CHMP5: variants seen among roughly 807,000 people sequenced by gnomAD.
CHMP5 encodes the protein charged multivesicular body protein 5.
Under a neutral mutation model 33.0 loss-of-function variants are expected in CHMP5, and 17 were observed. The observed-to-expected ratio is 0.52, with a 90% CI of 0.35 to 0.77. The LOEUF (loss-of-function observed/expected upper bound fraction) is 0.77. CHMP5 is among the 30% of genes least tolerant of loss of function. The pLI, the probability that CHMP5 is intolerant of heterozygous loss-of-function variation, is 0.01. For synonymous variants in CHMP5, 76 were observed against 90.2 expected (o/e 0.84, Z 0.89); for missense variants, 216 against 261.5 (o/e 0.83, Z 1.20).
At chr9:33,273,283 TG>T (rs1372369164) in intron 5 of CHMP5, among the ~76,000 whole-genome samples, 6 of 151,964 alleles carry the variant, frequency 3.9e-5, no homozygotes, top group Non-Finnish European at 7.4e-5. Context: ...TTTTTTTTTT[TG>T]TATAATATCA....
intron 5 of CHMP5, among the ~76,000 whole-genome samples, chr9:33,275,482 G>A (rs141760665): frequency 5.9e-5 from 9 of 152,054 alleles, no homozygotes; most frequent in African/African-American, 2.2e-4. Context: ...TACCACTTCA[G>A]TTGTTTCTAC....
chr9:33,265,331 C>G (rs900003820), intron 1 of CHMP5, among the ~76,000 whole-genome samples, 184 bp downstream of exon 1: 1 of 152,004 alleles, frequency 6.6e-6, no homozygotes, highest in Non-Finnish European at 1.5e-5. Flanking sequence ...ACGCCACAAA[C>G]CAGGGAACCC....
intron 1 of CHMP5, among the ~76,000 whole-genome samples, chr9:33,265,802 C>T (rs750834178): frequency 1.3e-5 from 2 of 152,180 alleles, no homozygotes; most frequent in Non-Finnish European, 1.5e-5. Context: ...CCTGGTATAT[C>T]AGAATCGGGG....
rs769796896 is a variant in CHMP5 at position 33,276,418 on chromosome 9, G to A, written c.388-38G>A. 9.4e-6 allele frequency: 11 copies of A among 1,176,054 alleles called. No individual in the cohort carries two copies. The East Asian group carries it at 9.4e-5, about 10-fold the overall frequency. The allele number at this position is 1,176,054 out of a possible 1,614,324, so 72.9% of individuals were successfully genotyped here. ...GGAAAAGGGTAGTTAAAAGAAAATGGTAAATGAGAGAAAATCCTCTCATAT... is the reference window on the plus strand; with the variant it reads ...GGAAAAGGGTAGTTAAAAGAAAATGATAAATGAGAGAAAATCCTCTCATAT... On this transcript the variant is annotated intron_variant, in intron 5 of 7. Coordinates refer to ENST00000223500, the MANE Select transcript of CHMP5 (RefSeq NM_016410.6).
At chr9:33,269,184 A>G (rs1587797147) in intron 3 of CHMP5, among the ~76,000 whole-genome samples, 1 of 152,228 alleles carries the variant, frequency 6.6e-6, no homozygotes, top group East Asian at 1.9e-4. Context: ...GGTCAGATGG[A>G]TTACCTAATT....
intron 7 of CHMP5, among the ~76,000 whole-genome samples, chr9:33,279,715 T>G (rs758158017): frequency 2.0e-5 from 3 of 151,550 alleles, no homozygotes; most frequent in Non-Finnish European, 2.9e-5. Flanking sequence ...TATAAAAAAT[T>G]AGCTGGGCGT....
chr9:33,277,190 CAAAAAAA>C (rs59657807), intron 6 of CHMP5, among the ~76,000 whole-genome samples: 98 of 53,406 alleles, frequency 1.8e-3, no homozygotes, highest in African/African-American at 5.8e-3. Context: ...GACCTTCTCT[CAAAAAAA>C]AAAAAAAAAA....
chr9:33,267,192 A>G (rs1185728236), intron 2 of CHMP5, among the ~76,000 whole-genome samples: 1 of 152,206 alleles, frequency 6.6e-6, no homozygotes, highest in Non-Finnish European at 1.5e-5. Context: ...AAATAAAATG[A>G]TCTACAGAAT....
chr9:33,271,355 C>G (rs908203092), intron 5 of CHMP5, 132 bp downstream of exon 5: 31 of 700,018 alleles, frequency 4.4e-5, no homozygotes, highest in African/African-American at 7.1e-5. Flanking sequence ...AGAGTAACTT[C>G]GAGAAAGGGT....
At chr9:33,269,797 G>T (rs1820771528) in intron 3 of CHMP5, among the ~76,000 whole-genome samples, 1 of 152,074 alleles carries the variant, frequency 6.6e-6, no homozygotes, top group South Asian at 2.1e-4. Flanking sequence ...CAACATGGAA[G>T]AACCCGTCTC....
chr9:33,267,832 T>C (rs756106689), intron 2 of CHMP5, 21 bp from the exon 3 acceptor site: 2 of 1,583,318 alleles, frequency 1.3e-6, no homozygotes, highest in Admixed American at 3.3e-5. Flanking sequence ...TTATTTTTAT[T>C]AAATCTGTTT....
At chr9:33,273,180 C>T (rs1319658004) in intron 5 of CHMP5, among the ~76,000 whole-genome samples, 2 of 152,136 alleles carry the variant, frequency 1.3e-5, no homozygotes, top group African/African-American at 4.8e-5. Context: ...CCATGTTGGC[C>T]AGGCTAGTCT....
chr9:33,266,156 C>G, intron 2 of CHMP5, 42 bp downstream of exon 2: 1 of 1,333,142 alleles, frequency 7.5e-7, no homozygotes, highest in South Asian at 1.2e-5. Flanking sequence ...CTGGCAGAGC[C>G]TAGTTTTAGC....
At chr9:33,272,485 T>C (rs1004245295) in intron 5 of CHMP5, among the ~76,000 whole-genome samples, 6 of 152,106 alleles carry the variant, frequency 3.9e-5, no homozygotes, top group African/African-American at 1.2e-4. Flanking sequence ...TGCAAAGATA[T>C]TCTCTCATAA....
intron 5 of CHMP5, among the ~76,000 whole-genome samples, chr9:33,275,804 G>A (rs1820847692): frequency 6.6e-6 from 1 of 152,168 alleles, no homozygotes. Context: ...GAGGTCAGGA[G>A]TTTGAGACCA....
intron 1 of CHMP5, 28 bp downstream of exon 1, chr9:33,265,175 C>T (rs1284589692): frequency 1.2e-6 from 2 of 1,610,792 alleles, no homozygotes; most frequent in Non-Finnish European, 8.5e-7. Flanking sequence ...CATAAGTAGG[C>T]TCAGGACCTC....
At chr9:33,267,449 T>C (rs1820740582) in intron 2 of CHMP5, among the ~76,000 whole-genome samples, 2 of 152,204 alleles carry the variant, frequency 1.3e-5, no homozygotes, top group Admixed American at 1.3e-4. Flanking sequence ...GGTGAGAGAT[T>C]GGTGGGCCAT....
chr9:33,276,400 GGTA>G (rs1444392410), intron 5 of CHMP5, 53 bp from the exon 6 acceptor site: 45 of 916,536 alleles, frequency 4.9e-5, no homozygotes, highest in Non-Finnish European at 7.1e-6. Flanking sequence ...AGGGGAAAAG[GGTA>G]GTTAAAAGAA....
chr9:33,266,171 A>G (rs1353735975), intron 2 of CHMP5, 57 bp downstream of exon 2: 4 of 1,186,494 alleles, frequency 3.4e-6, no homozygotes, highest in Non-Finnish European at 5.0e-6. Context: ...TTTAGCACCT[A>G]TAGAAATAGG....
Sources: gnomAD v4.1 joint callset for allele counts (sites outside exome capture counted in the v4.1 genomes callset) on GRCh38, gnomAD v4.1.1 for gene constraint, MANE v1.5 for transcripts, NCBI Gene and HGNC (gene_info 2026-07-23, HGNC 2026-07-21) for gene names.